Variants in ILDR2 observed in about 807,000 individuals in gnomAD.
ILDR2 encodes immunoglobulin like domain containing receptor 2, also known as immunoglobulin-like domain-containing receptor 2.
ILDR2 carries 25 observed loss-of-function variants against 66.8 expected under a neutral mutation model. The observed-to-expected ratio is 0.37, with a 90% CI of 0.27 to 0.52. The LOEUF is 0.52. ILDR2 is among the 20% of genes least tolerant of loss of function. ILDR2 has a pLI of 0.88. For missense variants in ILDR2, 827 were observed against 876.8 expected, an observed-to-expected ratio of 0.94 and a Z score of 0.72; for synonymous variants, 367 against 357.2, an observed-to-expected ratio of 1.03 and a Z score of -0.31.
In ILDR2 at chr1:166,922,633, T is replaced by C. The variant is rs201078405; in HGVS notation, c.1171A>G (p.Met391Val). ...TCTCGATCCTCTTTGTTATACTCCA[T>C]GGCTGAGGGCCCGCGGCTTGCCCCA... is the stretch of plus-strand genomic sequence containing the variant. ...SSGASRGPSA[M>V]EYNKEDRESF... The change falls in exon 8 of 10, where the codon ATG becomes GTG. Residue 391 changes from methionine (M) to valine (V), a missense_variant. Met to Val is a conservative substitution (Grantham distance 21, BLOSUM62 1). Coordinates refer to ENST00000271417, the MANE Select transcript of ILDR2 (RefSeq NM_199351.3). The C allele has an allele frequency of 1.6e-4, 252 of 1,614,158 alleles. 1 individual carries two copies. In the Admixed American group the frequency reaches 4.0e-3, roughly 26 times the overall value.
At chr1:166,972,176 C>T (rs192810457) in intron 1 of ILDR2, among the ~76,000 whole-genome samples, 2 of 151,822 alleles carry the variant, frequency 1.3e-5, no homozygotes, top group Admixed American at 1.3e-4. Context: ...GGTGCCAATG[C>T]ACTCTGGCCT....
In ILDR2 at chr1:166,914,540, AT is replaced by A. The variant is rs1425834575; in HGVS notation, c.*4814del. 1.3e-5 allele frequency: 2 copies of A among 152,248 alleles called. No individual in the cohort carries two copies. Among genetic ancestry groups the A allele is most frequent in the Non-Finnish European group, 2.9e-5 (2 of 68,044 alleles). The allele number at this position is 152,248 out of a possible 1,614,324, so 9.4% of individuals were successfully genotyped here. Reference sequence around the variant, plus strand: ...TCACAGCAGTTGATGTTGGGATCAAATGAAAGTGTTCTGTAAACAGTAATAT... The same window carrying A: ...TCACAGCAGTTGATGTTGGGATCAAAGAAAGTGTTCTGTAAACAGTAATAT... On this transcript the variant is annotated 3_prime_UTR_variant, in exon 10 of 10. Transcript: ENST00000271417.
exon 3 of ILDR2, chr1:166,895,750 T>C (rs911391276): frequency 3.3e-5 from 5 of 152,216 alleles, no homozygotes; most frequent in African/African-American, 1.2e-4. Context: ...CATGGGAGGC[T>C]TTGGAAATGA....
rs993241873 is a variant in ILDR2 at position 166,970,969 on chromosome 1, C to T, written c.46+4254G>A. ...TTGAGGTGTCAGCAGTCTCTAAAAGCGATTCTTCTTTCTCCAGGGCTAATA... is the reference window on the plus strand; with the variant it reads ...TTGAGGTGTCAGCAGTCTCTAAAAGTGATTCTTCTTTCTCCAGGGCTAATA... On this transcript the variant is annotated intron_variant, in intron 1 of 9. Transcript: ENST00000271417. Among the ~76,000 whole-genome samples the T allele has an allele frequency of 1.8e-4, 27 of 152,106 alleles. 1 individual carries two copies. The highest frequency in any genetic ancestry group is 5.8e-4 in the African/African-American group (24 of 41,400).
Position 166,921,405 on chromosome 1 carries a change from GAC to G in ILDR2, c.1212-28_1212-27del. ...CTGCGGGCAGAGAAGGAGGGGGTCAGACGGCCGGTCCCTCCCTGGAGCTCCAG... is the reference window on the plus strand; with the variant it reads ...CTGCGGGCAGAGAAGGAGGGGGTCAGGGCCGGTCCCTCCCTGGAGCTCCAG... On this transcript the variant is annotated intron_variant, in intron 8 of 9. Transcript: ENST00000271417. This position sits in a 1 kb window ranked among gnomAD's most constrained non-coding sequence, Gnocchi z 5.3. The G allele has an allele frequency of 6.6e-7, 1 of 1,523,532 alleles. No homozygotes were observed. The highest frequency in any genetic ancestry group is 8.8e-7 in the Non-Finnish European group (1 of 1,132,942). 94.4% of individuals were successfully genotyped at this position (1,523,532 alleles called of 1,614,324 possible). A position where few individuals can be genotyped will look rare whatever the true frequency, so the allele number is the denominator to read the frequency against.
intron 3 of ILDR2, among the ~76,000 whole-genome samples, chr1:166,954,437 G>C (rs1233952882): frequency 6.6e-6 from 1 of 152,144 alleles, no homozygotes; most frequent in African/African-American, 2.4e-5. Flanking sequence ...AATTTTTGTA[G>C]ATTTCTAACT....
intron 6 of ILDR2, among the ~76,000 whole-genome samples, chr1:166,930,102 C>T (rs1660545545): frequency 6.6e-6 from 1 of 152,154 alleles, no homozygotes; most frequent in Admixed American, 6.5e-5. Flanking sequence ...GGCAGACAGA[C>T]ATGGTCGGTG....
chr1:166,910,976 A>G lies in ILDR2; in HGVS notation c.*8379T>C, dbSNP rs1470223511. 6.6e-6 allele frequency: 1 copy of G among 152,028 alleles called. No homozygotes were observed. The highest frequency in any genetic ancestry group is 2.4e-5 in the African/African-American group (1 of 41,368). The allele number at this position is 152,028 out of a possible 1,614,324, so 9.4% of individuals were successfully genotyped here. A position where few individuals can be genotyped will look rare whatever the true frequency, so the allele number is the denominator to read the frequency against. On this transcript the variant is annotated 3_prime_UTR_variant, in exon 10 of 10. Transcript: ENST00000271417. ...TGGGATCTCACTATACTGCCCAGGT[A>G]GGTCTTGAACTCCTGGCTCAAGCTA...
chr1:166,935,523 T>C (rs1660899735), intron 5 of ILDR2, 46 bp from the exon 6 acceptor site: 1 of 1,485,966 alleles, frequency 6.7e-7, no homozygotes, highest in East Asian at 2.4e-5. Flanking sequence ...CGTCCCACCC[T>C]CCACAACCCT....
intron 5 of ILDR2, 24 bp from the exon 6 acceptor site, chr1:166,935,501 G>A: frequency 6.5e-7 from 1 of 1,537,830 alleles, no homozygotes; most frequent in Non-Finnish European, 8.7e-7. Context: ...TCAAGAGCAA[G>A]AGAGATTACG....
At chr1:166,961,430 C>T (rs190347173) in intron 1 of ILDR2, among the ~76,000 whole-genome samples, 156 of 151,898 alleles carry the variant, frequency 1.0e-3, no homozygotes, top group Non-Finnish European at 2.0e-3. Context: ...AACTCATGCT[C>T]CAAAAAAATA....
At chr1:166,951,932 A>T (rs1416322579) in intron 3 of ILDR2, among the ~76,000 whole-genome samples, 1 of 152,090 alleles carries the variant, frequency 6.6e-6, no homozygotes, top group Non-Finnish European at 1.5e-5. Context: ...CTCTTATTCT[A>T]TTCTTGGCCC....
intron 1 of ILDR2, among the ~76,000 whole-genome samples, chr1:166,965,570 G>GT (rs535388259): frequency 0.57 from 72,023 of 127,076 alleles, 21,141 homozygotes; most frequent in East Asian, 0.7. Flanking sequence ...GTTAGGTTTT[G>GT]TTTTTTTTTT....
intron 1 of ILDR2, among the ~76,000 whole-genome samples, chr1:166,973,625 C>CG (rs1491390738): frequency 1.2e-4 from 15 of 129,610 alleles, no homozygotes; most frequent in African/African-American, 3.8e-4. Context: ...CCCCCCCCCC[C>CG]GATGCCTGGC....
At chr1:166,954,894 A>G (rs1662183592) in intron 3 of ILDR2, among the ~76,000 whole-genome samples, 1 of 152,226 alleles carries the variant, frequency 6.6e-6, no homozygotes, top group African/African-American at 2.4e-5. Flanking sequence ...TTGCAGAACA[A>G]CTGGGACCAA....
Position 166,927,086 on chromosome 1 carries a change from G to A in ILDR2, c.975C>T (p.Ala325=), listed in dbSNP as rs139447773. Residue 325 remains alanine, a synonymous_variant, in exon 7 of 10, where the codon GCC becomes GCT. Coordinates refer to ENST00000271417, the MANE Select transcript of ILDR2 (RefSeq NM_199351.3). ...GCTCACATCTGCCTCTCATCCTTCT[G>A]GCTGGATCAAACTGAGCCAGCTCCT... The part of the protein sequence containing the change: ...VEKELAQFDP[A]RRMRGRYNNT... The A allele has an allele frequency of 4.0e-5, 64 of 1,609,410 alleles. No homozygotes were observed. Among genetic ancestry groups the A allele is most frequent in the Non-Finnish European group, 5.2e-5 (61 of 1,176,832 alleles).
At chr1:166,940,549 T>A (rs1029527103) in intron 3 of ILDR2, among the ~76,000 whole-genome samples, 6 of 152,102 alleles carry the variant, frequency 3.9e-5, no homozygotes, top group African/African-American at 1.4e-4. Flanking sequence ...AAATTCTACT[T>A]CATTTAGGTA....
chr1:166,914,723 A>G lies in ILDR2; in HGVS notation c.*4632T>C, dbSNP rs1659577178. 1 of 152,234 alleles carries G rather than the reference A, an allele frequency of 6.6e-6. No individual in the cohort carries two copies. Among genetic ancestry groups the G allele is most frequent in the African/African-American group, 2.4e-5 (1 of 41,460 alleles). The allele number at this position is 152,234 out of a possible 1,614,324, so 9.4% of individuals were successfully genotyped here. On this transcript the variant is annotated 3_prime_UTR_variant, in exon 10 of 10. Coordinates refer to ENST00000271417, the MANE Select transcript of ILDR2 (RefSeq NM_199351.3). ...GCTTCATAGATCAATTCCCCAGATG[A>G]CTAGGGGGTAGGATAATGGCAGAAA...
intron 2 of ILDR2, among the ~76,000 whole-genome samples, chr1:166,898,162 T>C (rs1659204438): frequency 6.6e-6 from 1 of 152,194 alleles, no homozygotes; most frequent in South Asian, 2.1e-4. Context: ...ACGAATTTGG[T>C]ATCATGCCTG....
Sources: gnomAD v4.1 joint callset for allele counts (sites outside exome capture counted in the v4.1 genomes callset) on GRCh38, gnomAD v4.1.1 for gene constraint, Gnocchi (gnomAD v3.1) non-coding constraint, MANE v1.5 for transcripts, NCBI Gene and HGNC (gene_info 2026-07-23, HGNC 2026-07-21) for gene names.